Variants in PAX2 observed in about 807,000 individuals in gnomAD.
The protein encoded by PAX2 is paired box 2, also known as paired box protein Pax-2.
A neutral mutation model predicts 41.7 loss-of-function variants in PAX2; 9 were observed. That is an observed-to-expected ratio of 0.22 (90% CI 0.13 to 0.38). The LOEUF (loss-of-function observed/expected upper bound fraction) is 0.38, where lower values mean the gene tolerates loss of function less well. PAX2 is among the 10% of genes least tolerant of loss of function. The probability of loss-of-function intolerance (pLI) is 1.00; values close to 1 mark genes in which losing one functional copy is unlikely to be tolerated. For missense variants in PAX2, 418 were observed against 531.6 expected, an observed-to-expected ratio of 0.79 and a Z score of 2.10; for synonymous variants, 221 against 212.7, an observed-to-expected ratio of 1.04 and a Z score of -0.34.
At chr10:100,785,249 C>T (rs1471990060) in intron 5 of PAX2, among the ~76,000 whole-genome samples, 2 of 152,226 alleles carry the variant, frequency 1.3e-5, no homozygotes, top group African/African-American at 2.4e-5. Flanking sequence ...TACCCAGTTG[C>T]TTTCGGCTGG....
intron 7 of PAX2, among the ~76,000 whole-genome samples, chr10:100,812,592 C>T (rs1024995013): frequency 6.6e-6 from 1 of 152,200 alleles, no homozygotes; most frequent in Non-Finnish European, 1.5e-5. Context: ...GGACTCGCTC[C>T]AACTGCATGC....
At chr10:100,779,399 TGAGGAACTTGG>T in intron 3 of PAX2, 88 bp from the exon 4 acceptor site, 1 of 997,916 alleles carries the variant, frequency 1.0e-6, no homozygotes, top group Non-Finnish European at 1.6e-6. Flanking sequence ...AGGAAATCGC[TGAGGAACTTGG>T]GAGAGAGCCC....
Position 100,824,504 on chromosome 10 carries a change from G to A in PAX2, c.920-144G>A. 2 of 726,818 alleles carry A rather than the reference G, an allele frequency of 2.8e-6. No individual in the cohort carries two copies. The highest frequency in any genetic ancestry group is 5.0e-6 in the Non-Finnish European group (2 of 398,532). The allele number at this position is 726,818 out of a possible 1,614,324, so 45.0% of individuals were successfully genotyped here. On this transcript the variant is annotated intron_variant, in intron 7 of 9. Coordinates refer to ENST00000355243, the MANE Select transcript of PAX2 (RefSeq NM_000278.5). The surrounding 1 kb of genome is among the most constrained non-coding windows in gnomAD (Gnocchi z 6.6). Reference sequence around the variant, plus strand: ...AAGGCACACTCAGATGGCGCATTCAGGTGCACAGTGGCACACATACCCCTG... The same window carrying A: ...AAGGCACACTCAGATGGCGCATTCAAGTGCACAGTGGCACACATACCCCTG...
intron 3 of PAX2, among the ~76,000 whole-genome samples, chr10:100,756,662 T>G (rs779983573): frequency 6.6e-6 from 1 of 152,234 alleles, no homozygotes; most frequent in Admixed American, 6.5e-5. Flanking sequence ...ATTTTCAACT[T>G]ATCGAGCCAT....
At chr10:100,760,417 C>T (rs776799785) in intron 3 of PAX2, among the ~76,000 whole-genome samples, 3 of 152,132 alleles carry the variant, frequency 2.0e-5, no homozygotes, top group Non-Finnish European at 2.9e-5. Context: ...GGTCAATGAA[C>T]GGGGGTTCTG....
At position 100,781,167 on chromosome 10, in the gene PAX2, C is replaced by G. The variant is rs1846605807; in HGVS notation, c.497-79C>G. 9 of 1,456,340 alleles carry G rather than the reference C, an allele frequency of 6.2e-6. No homozygotes were observed. The Admixed American group carries it at 1.3e-4, about 22-fold the overall frequency. The allele number at this position is 1,456,340 out of a possible 1,614,324, so 90.2% of individuals were successfully genotyped here. A position where few individuals can be genotyped will look rare whatever the true frequency, so the allele number is the denominator to read the frequency against. On this transcript the variant is annotated intron_variant, in intron 4 of 9. Transcript: ENST00000355243. The stretch of plus-strand genomic sequence containing the variant: ...TTATGTCCTCTGCTTCTCTCTGCCC[C>G]CCAGCCTTGGGGCTTTGGCCTACGA...
chr10:100,752,535 T>C (rs768733101), intron 3 of PAX2, among the ~76,000 whole-genome samples: 4 of 152,166 alleles, frequency 2.6e-5, no homozygotes, highest in Non-Finnish European at 5.9e-5. Context: ...AACTGAGATC[T>C]CAAGAGAAGA....
At chr10:100,746,819 G>A (rs544499632) in intron 1 of PAX2, among the ~76,000 whole-genome samples, 1 of 152,318 alleles carries the variant, frequency 6.6e-6, no homozygotes, top group South Asian at 2.1e-4. Flanking sequence ...AGAGTATTCA[G>A]CCTCAGTGTC....
intron 4 of PAX2, 123 bp from the exon 5 acceptor site, chr10:100,781,123 G>A (rs1304084285): frequency 1.2e-5 from 11 of 908,176 alleles, no homozygotes; most frequent in Middle Eastern, 2.1e-4. Context: ...TGAGAGGAAC[G>A]TGGGCTCCTC....
chr10:100,762,237 G>T (rs964247092), intron 3 of PAX2, among the ~76,000 whole-genome samples: 2 of 151,988 alleles, frequency 1.3e-5, no homozygotes, highest in African/African-American at 4.8e-5. Flanking sequence ...CCATCAGGAA[G>T]GGTCAAGGGC....
At chr10:100,795,484 C>G (rs944176899) in intron 5 of PAX2, among the ~76,000 whole-genome samples, 15 of 152,346 alleles carry the variant, frequency 9.8e-5, no homozygotes, top group East Asian at 7.7e-4. Context: ...GGTATTTGAT[C>G]TAAGCGTTGA....
At chr10:100,818,211 C>A (rs756339611) in intron 7 of PAX2, among the ~76,000 whole-genome samples, 20 of 152,180 alleles carry the variant, frequency 1.3e-4, no homozygotes, top group Non-Finnish European at 2.8e-4. Flanking sequence ...GAGAAAGATG[C>A]TGAGGAAAAG....
In PAX2 at chr10:100,828,643, A is replaced by C. The variant is rs1848670579; in HGVS notation, c.*1024A>C. The C allele has an allele frequency of 4.3e-6, 1 of 232,110 alleles. No individual in the cohort carries two copies. The highest frequency in any genetic ancestry group is 2.2e-5 in the African/African-American group (1 of 44,894). The allele number at this position is 232,110 out of a possible 1,614,324, so 14.4% of individuals were successfully genotyped here. A position where few individuals can be genotyped will look rare whatever the true frequency, so the allele number is the denominator to read the frequency against. ...CTTGATGCCCCCTCCCCCGACACAG[A>C]CTCTCAATCTGCCGGTGGTAAGAAC... On this transcript the variant is annotated 3_prime_UTR_variant, in exon 10 of 10. Coordinates refer to ENST00000355243, the MANE Select transcript of PAX2 (RefSeq NM_000278.5). This position sits in a 1 kb window ranked among gnomAD's most constrained non-coding sequence, Gnocchi z 6.5.
chr10:100,749,542 G>GC (rs1471783797), intron 1 of PAX2: 6 of 1,362,958 alleles, frequency 4.4e-6, no homozygotes, highest in Admixed American at 3.4e-5. Context: ...CTCTCGCCCA[G>GC]CCCCCAGTCT....
Position 100,827,624 on chromosome 10 carries a change from C to A in PAX2, c.*5C>A. On this transcript the variant is annotated 3_prime_UTR_variant, in exon 10 of 10. Coordinates refer to ENST00000355243, the MANE Select transcript of PAX2 (RefSeq NM_000278.5). This position sits in a 1 kb window ranked among gnomAD's most constrained non-coding sequence, Gnocchi z 8.5. The stretch of plus-strand genomic sequence containing the variant: ...GCTGCCTATGACCGCCACTAGTTAC[C>A]GCGGGGACCACATCAAGCTTCAGGC... The A allele has an allele frequency of 6.2e-7, 1 of 1,613,954 alleles. No homozygotes were observed. The highest frequency in any genetic ancestry group is 8.5e-7 in the Non-Finnish European group (1 of 1,179,936).
intron 5 of PAX2, among the ~76,000 whole-genome samples, chr10:100,805,024 AC>A: frequency 5.6e-4 from 2 of 3,548 alleles, no homozygotes; most frequent in Admixed American, 2.8e-3. Context: ...TCTCTCACAT[AC>A]ACACACACAC....
intron 7 of PAX2, among the ~76,000 whole-genome samples, chr10:100,816,176 G>A (rs1217759811): frequency 6.6e-6 from 1 of 152,186 alleles, no homozygotes; most frequent in Non-Finnish European, 1.5e-5. Context: ...GTCTGAATTT[G>A]AATCAAAATA....
intron 1 of PAX2, chr10:100,749,101 A>G: frequency 1.0e-6 from 1 of 985,574 alleles, no homozygotes; most frequent in Non-Finnish European, 1.2e-6. Flanking sequence ...CCCCCTACAG[A>G]TAAATAACAT....
At chr10:100,786,841 G>A (rs1204660003) in intron 5 of PAX2, 2 of 607,976 alleles carry the variant, frequency 3.3e-6, no homozygotes, top group African/African-American at 3.8e-5. Context: ...GTAGCCCTTA[G>A]AAGGGGAGTC....
Sources: gnomAD v4.1 joint callset for allele counts (sites outside exome capture counted in the v4.1 genomes callset) on GRCh38, gnomAD v4.1.1 for gene constraint, Gnocchi (gnomAD v3.1) non-coding constraint, MANE v1.5 for transcripts, NCBI Gene and HGNC (gene_info 2026-07-23, HGNC 2026-07-21) for gene names.